The following DDX49 variants were observed in gnomAD, a reference collection of about 807,000 sequenced individuals.
DDX49 encodes probable ATP-dependent RNA helicase DDX49.
Under a neutral mutation model 56.3 loss-of-function variants are expected in DDX49, and 50 were observed. The ratio of observed to expected loss-of-function variants is 0.89; its 90% CI spans 0.71 to 1.12. DDX49 has a LOEUF of 1.12. DDX49 is among the 50% of genes most tolerant of loss of function. The probability of loss-of-function intolerance (pLI) is 0.00; values close to 1 mark genes in which losing one functional copy is unlikely to be tolerated. For synonymous variants in DDX49, 269 were observed against 270.6 expected (o/e 0.99, Z 0.06); for missense variants, 614 against 650.5 (o/e 0.94, Z 0.61).
intron 4 of DDX49, 106 bp from the exon 5 acceptor site, chr19:18,922,220 G>C (rs1308960933): frequency 7.1e-7 from 1 of 1,399,506 alleles, no homozygotes; most frequent in Non-Finnish European, 9.8e-7. Context: ...GGGTACTCCA[G>C]GGCCTAGGGT....
In DDX49 at chr19:18,927,224, T is replaced by C. The variant is rs367622218; in HGVS notation, c.1103-542T>C. 5.9e-5 allele frequency among the ~76,000 whole-genome samples: 9 copies of C among 152,156 alleles called. No homozygotes were observed. In the East Asian group the frequency reaches 1.5e-3, roughly 26 times the overall value. On this transcript the variant is annotated intron_variant, in intron 10 of 12. Transcript: ENST00000247003. ...CAGCCTGGGCAATGTGGAGAAACCCTGCCTCTCCAAAAAATATAGAAACTA... is the reference window on the plus strand; with the variant it reads ...CAGCCTGGGCAATGTGGAGAAACCCCGCCTCTCCAAAAAATATAGAAACTA...
chr19:18,926,157 C>G, intron 9 of DDX49, 146 bp from the exon 10 acceptor site: 1 of 808,008 alleles, frequency 1.2e-6, no homozygotes, highest in Non-Finnish European at 2.0e-6. Context: ...GGGTCAAGCC[C>G]AGACACTCTG....
rs1384468632 is a variant in DDX49, at chr19:18,924,610, C to T, written c.853-13C>T. On this transcript the variant is annotated splice_polypyrimidine_tract_variant and intron_variant, in intron 7 of 12. Transcript: ENST00000247003. ...CTTCATGCATTCCCAATTTTCTTCC[C>T]AACCCTGTGCAGAAAGAACGCTTTG... 6.2e-7 allele frequency: 1 copy of T among 1,614,074 alleles called. No individual in the cohort carries two copies. The highest frequency in any genetic ancestry group is 8.5e-7 in the Non-Finnish European group (1 of 1,180,020).
In DDX49 at chr19:18,927,873, C is replaced by T; in HGVS notation, c.1191+19C>T. ...TGAGATCGTGAGTGTCAGAGGCGGG[C>T]AGGAACTAAAGTGCTCTCCAGGGCC... On this transcript the variant is annotated intron_variant, in intron 11 of 12. Coordinates refer to ENST00000247003, the MANE Select transcript of DDX49 (RefSeq NM_019070.5). The T allele has an allele frequency of 6.2e-7, 1 of 1,613,930 alleles. No individual in the cohort carries two copies. Among genetic ancestry groups the T allele is most frequent in the Non-Finnish European group, 8.5e-7 (1 of 1,179,922 alleles).
At chr19:18,922,083 G>C (rs913754696) in intron 4 of DDX49, 119 bp downstream of exon 4, 1 of 1,383,360 alleles carries the variant, frequency 7.2e-7, no homozygotes, top group African/African-American at 1.5e-5. Context: ...AGACTGTCCA[G>C]TAAAACGCTA....
chr19:18,922,836 C>G, intron 6 of DDX49, 92 bp downstream of exon 6: 1 of 1,477,434 alleles, frequency 6.8e-7, no homozygotes, highest in Admixed American at 1.8e-5. Flanking sequence ...AGTCTCAGCA[C>G]TCCCCAGCCT....
intron 10 of DDX49, among the ~76,000 whole-genome samples, chr19:18,927,328 T>C (rs1014911121): frequency 9.2e-5 from 14 of 152,210 alleles, no homozygotes; most frequent in Non-Finnish European, 1.9e-4. Flanking sequence ...AGTGACCTGA[T>C]TGAGCCACCA....
Position 18,927,746 on chromosome 19 carries a change from C to CCCCAAT in DDX49, c.1103-20_1103-19insCCCAAT. 6.2e-7 allele frequency: 1 copy of CCCCAAT among 1,608,348 alleles called. No homozygotes were observed. The highest frequency in any genetic ancestry group is 8.5e-7 in the Non-Finnish European group (1 of 1,175,130). On this transcript the variant is annotated intron_variant, in intron 10 of 12. Transcript: ENST00000247003. ...CACGTCTCCTCCCCACCCCCACCCC[C>CCCCAAT]GGCTTTGCTGTCCCCACAGAGAAGA... is the stretch of plus-strand genomic sequence containing the variant.
rs1406812427 is a variant in DDX49, at chr19:18,921,952, G to T, written c.435G>T (p.Lys145Asn). 1 of 1,610,278 alleles carries T rather than the reference G, an allele frequency of 6.2e-7. No individual in the cohort carries two copies. The highest frequency in any genetic ancestry group is 1.1e-5 in the South Asian group (1 of 91,018). Residue 145 changes from lysine to asparagine, a missense_variant, in exon 4 of 13, where the codon AAG becomes AAT. Coordinates refer to ENST00000247003, the MANE Select transcript of DDX49 (RefSeq NM_019070.5). ...GCTCCAACACTTTTAGTATAAAGAA[G>T]ATCCGCTTCCTGGTGAGTTCGCCCC... ...LRSSNTFSIK[K>N]IRFLVMDEAD...
At position 18,925,209 on chromosome 19, in the gene DDX49, C is replaced by T. The variant is rs550111106; in HGVS notation, c.1027+230C>T. 2.7e-5 allele frequency: 12 copies of T among 447,688 alleles called. No homozygotes were observed. The East Asian group carries it at 3.5e-4, about 13-fold the overall frequency. 27.7% of individuals were successfully genotyped at this position (447,688 alleles called of 1,614,324 possible). A position where few individuals can be genotyped will look rare whatever the true frequency, so the allele number is the denominator to read the frequency against. Reference sequence around the variant, plus strand: ...GGGAGGTTGCGGCAAGCTGAGAATGCACTATTGCACCCCAGCCTGGGCAAA... The same window carrying T: ...GGGAGGTTGCGGCAAGCTGAGAATGTACTATTGCACCCCAGCCTGGGCAAA... On this transcript the variant is annotated intron_variant, in intron 9 of 12. Coordinates refer to ENST00000247003, the MANE Select transcript of DDX49 (RefSeq NM_019070.5).
At chr19:18,922,069 C>A in intron 4 of DDX49, 105 bp downstream of exon 4, 1 of 1,443,748 alleles carries the variant, frequency 6.9e-7, no homozygotes, top group South Asian at 1.4e-5. Flanking sequence ...AACGTATGTC[C>A]GTTAGACTGT....
At position 18,928,121 on chromosome 19, in the gene DDX49, G is replaced by A; in HGVS notation, c.1264-7G>A. 6.2e-7 allele frequency: 1 copy of A among 1,610,700 alleles called. No individual in the cohort carries two copies. ...GCTCAGCCATCCCCTGGTCCTCCCT[G>A]TGCCAGGACCCTGACCTGGAGGCCA... On this transcript the variant is annotated splice_polypyrimidine_tract_variant and splice_region_variant and intron_variant, in intron 12 of 12. Transcript: ENST00000247003.
rs2056984242 is a variant in DDX49 at position 18,928,485 on chromosome 19, C to T, written c.*169C>T. On this transcript the variant is annotated 3_prime_UTR_variant, in exon 13 of 13. Transcript: ENST00000247003. ...TGCTCCTCTGCCCCGAAACCACTGG[C>T]TGGTCCCTTCCCTGAGCCCTGGCCA... is the stretch of plus-strand genomic sequence containing the variant. The T allele has an allele frequency of 1.5e-6, 1 of 662,902 alleles. No individual in the cohort carries two copies. Among genetic ancestry groups the T allele is most frequent in the African/African-American group, 1.8e-5 (1 of 54,834 alleles). 41.1% of individuals were successfully genotyped at this position (662,902 alleles called of 1,614,324 possible).
In DDX49 at chr19:18,926,374, A is replaced by C; in HGVS notation, c.1099A>C (p.Ile367Leu). ...CCTGGTGCACGCCATCGAGGAGCAGATCAGTGAGTGGGGTTGGGGTGGGTG... is the reference window on the plus strand; with the variant it reads ...CCTGGTGCACGCCATCGAGGAGCAGCTCAGTGAGTGGGGTTGGGGTGGGTG... ...IHLVHAIEEQ[I>L]KKKLEEFSVE... is the part of the protein sequence containing the mutation. Residue 367 changes from isoleucine to leucine, a missense_variant, in exon 10 of 13, where the codon ATC becomes CTC. Physicochemically the swap from Ile to Leu is conservative, Grantham distance 5. Transcript: ENST00000247003. 1 of 1,419,192 alleles carries C rather than the reference A, an allele frequency of 7.0e-7. No individual in the cohort carries two copies. Among genetic ancestry groups the C allele is most frequent in the East Asian group, 3.2e-5 (1 of 31,584 alleles). 87.9% of individuals were successfully genotyped at this position (1,419,192 alleles called of 1,614,324 possible).
Position 18,927,747 on chromosome 19 carries a change from GGCTT to G in DDX49, c.1103-18_1103-15del. On this transcript the variant is annotated splice_polypyrimidine_tract_variant and intron_variant, in intron 10 of 12. Coordinates refer to ENST00000247003, the MANE Select transcript of DDX49 (RefSeq NM_019070.5). ...ACGTCTCCTCCCCACCCCCACCCCCGGCTTTGCTGTCCCCACAGAGAAGAAGCTG... is the reference window on the plus strand; with the variant it reads ...ACGTCTCCTCCCCACCCCCACCCCCGTGCTGTCCCCACAGAGAAGAAGCTG... 1.1e-6 allele frequency: 1 copy of G among 882,514 alleles called. No individual in the cohort carries two copies. Among genetic ancestry groups the G allele is most frequent in the South Asian group, 1.4e-5 (1 of 73,934 alleles). 54.7% of individuals were successfully genotyped at this position (882,514 alleles called of 1,614,324 possible). A position where few individuals can be genotyped will look rare whatever the true frequency, so the allele number is the denominator to read the frequency against.
rs1385247568 is a variant in DDX49, at chr19:18,928,216, T to G, written c.1352T>G (p.Leu451Arg). Residue 451 changes from leucine to arginine, a missense_variant, in exon 13 of 13, where the codon CTG becomes CGG. Leu to Arg is a moderately radical substitution (Grantham distance 102). Transcript: ENST00000247003. Reference sequence around the variant, plus strand: ...TTCAAGGAGAAGGTGGAGGAGACGCTGAAGCGACAGAAGGCTGGCAGGGCT... The same window carrying G: ...TTCAAGGAGAAGGTGGAGGAGACGCGGAAGCGACAGAAGGCTGGCAGGGCT... ...RRFKEKVEET[L>R]KRQKAGRAGH... 1 of 1,586,998 alleles carries G rather than the reference T, an allele frequency of 6.3e-7. No individual in the cohort carries two copies. Among genetic ancestry groups the G allele is most frequent in the South Asian group, 1.1e-5 (1 of 87,880 alleles).
chr19:18,923,447 G>A (rs994948504), intron 6 of DDX49, among the ~76,000 whole-genome samples: 8 of 152,092 alleles, frequency 5.3e-5, no homozygotes, highest in Non-Finnish European at 7.4e-5. Context: ...ACTTGAACCC[G>A]GTAGGTGGAG....
chr19:18,927,263 G>A (rs2056968744), intron 10 of DDX49, among the ~76,000 whole-genome samples: 1 of 151,896 alleles, frequency 6.6e-6, no homozygotes, highest in African/African-American at 2.4e-5. Context: ...GCACACGCCC[G>A]TAGTTCCAAC....
At position 18,921,585 on chromosome 19, in the gene DDX49, ACCCT is replaced by A. The variant is rs1422956727; in HGVS notation, c.240-77_240-74del. On this transcript the variant is annotated intron_variant, in intron 2 of 12. Coordinates refer to ENST00000247003, the MANE Select transcript of DDX49 (RefSeq NM_019070.5). ...CAGGAGCCTGGGGGCTCAGGGAGGA[ACCCT>A]GGGGATGGAGAGGGGAATGGGGGGC... 162 of 1,377,658 alleles carry A rather than the reference ACCCT, an allele frequency of 1.2e-4. 1 individual carries two copies. In the South Asian group the frequency reaches 1.6e-3, roughly 13 times the overall value. The allele number at this position is 1,377,658 out of a possible 1,614,324, so 85.3% of individuals were successfully genotyped here.
Sources: gnomAD v4.1 joint callset for allele counts (sites outside exome capture counted in the v4.1 genomes callset) on GRCh38, gnomAD v4.1.1 for gene constraint, MANE v1.5 for transcripts, NCBI Gene and HGNC (gene_info 2026-07-23, HGNC 2026-07-21) for gene names.